The following ZDHHC11B variants were observed in gnomAD, a reference collection of about 807,000 sequenced individuals.
ZDHHC11B encodes the protein zDHHC palmitoyltransferase 11B (putative), also known as probable palmitoyltransferase ZDHHC11B.
A neutral mutation model predicts 42.3 loss-of-function variants in ZDHHC11B; 17 were observed. The observed-to-expected ratio is 0.40, with a 90% CI of 0.27 to 0.60. The LOEUF is 0.60. Among genes scored for constraint, ZDHHC11B ranks in the 20% least tolerant of loss-of-function variants. ZDHHC11B has a pLI of 0.41. For synonymous variants in ZDHHC11B, 123 were observed against 193.5 expected, an observed-to-expected ratio of 0.64 and a Z score of 3.02; for missense variants, 262 against 463.2, an observed-to-expected ratio of 0.57 and a Z score of 3.99.
At chr5:754,335 G>A (rs5028821) in intron 6 of ZDHHC11B, among the ~76,000 whole-genome samples, 1 of 25,906 alleles carries the variant, frequency 3.9e-5, no homozygotes, top group Non-Finnish European at 6.5e-5. Flanking sequence ...TCAGGGGAAA[G>A]ACCTCTCATC....
rs1745116641 is a variant in ZDHHC11B at position 748,408 on chromosome 5, G to C, written c.780C>G (p.Tyr260Ter). The C allele has an allele frequency of 7.4e-7, 1 of 1,355,276 alleles. No homozygotes were observed. The highest frequency in any genetic ancestry group is 9.8e-7 in the Non-Finnish European group (1 of 1,022,060). 84.0% of individuals were successfully genotyped at this position (1,355,276 alleles called of 1,614,324 possible). ...QLGQLLIFHI[Y>*]LKAKKMTTFE... ...GGCTTAGGGTGGGGGACATACTCAG[G>C]TAGATGTGGAAGATGAGCAGCTGGC... Residue 260 changes from tyrosine (Y) to a stop codon, truncating the protein, a stop_gained, in exon 8 of 14, where the codon TAC (tyrosine) becomes TAG (stop). Coordinates refer to ENST00000508859, the MANE Select transcript of ZDHHC11B (RefSeq NM_001351303.2). LOFTEE classifies it high-confidence loss of function.
chr5:766,511 C>G (rs1450467634), intron 4 of ZDHHC11B, among the ~76,000 whole-genome samples, 187 bp downstream of exon 4: 1 of 151,822 alleles, frequency 6.6e-6, no homozygotes, highest in East Asian at 1.9e-4. Context: ...CTGTCCTGAC[C>G]CTGAGCAGGG....
chr5:728,102 C>G (rs548744034), intron 12 of ZDHHC11B, among the ~76,000 whole-genome samples: 1 of 151,614 alleles, frequency 6.6e-6, no homozygotes, highest in South Asian at 2.1e-4. Flanking sequence ...AGTGTGCAAA[C>G]ATTTGAAAAG....
At chr5:722,397 A>T (rs1167529824) in intron 12 of ZDHHC11B, among the ~76,000 whole-genome samples, 2 of 151,594 alleles carry the variant, frequency 1.3e-5, no homozygotes, top group Admixed American at 1.3e-4. Flanking sequence ...GACTAGGGAC[A>T]TGAGCAAGTG....
intron 1 of ZDHHC11B, among the ~76,000 whole-genome samples, chr5:780,768 C>A (rs1212323339): frequency 6.6e-6 from 1 of 151,650 alleles, no homozygotes; most frequent in Admixed American, 6.6e-5. Context: ...ATGAGCTTCA[C>A]CCCAGTGGCT....
intron 1 of ZDHHC11B, among the ~76,000 whole-genome samples, chr5:774,375 G>A (rs1736292149): frequency 3.9e-5 from 6 of 152,214 alleles, no homozygotes. Flanking sequence ...GCGGGGCCAG[G>A]CACTAGGACT....
chr5:730,717 G>A (rs1336208373), intron 11 of ZDHHC11B, among the ~76,000 whole-genome samples: 1 of 151,686 alleles, frequency 6.6e-6, no homozygotes, highest in Non-Finnish European at 1.5e-5. Flanking sequence ...ACCTCAGAAT[G>A]TGACTATATG....
chr5:766,383 C>T (rs527510089), intron 4 of ZDHHC11B, among the ~76,000 whole-genome samples: 35 of 152,002 alleles, frequency 2.3e-4, no homozygotes, highest in African/African-American at 7.2e-4. Context: ...ATGGGGTCAG[C>T]GGCTGCCCTG....
intron 4 of ZDHHC11B, among the ~76,000 whole-genome samples, chr5:758,799 T>C (rs1339023307): frequency 6.6e-6 from 1 of 151,922 alleles, no homozygotes; most frequent in Non-Finnish European, 1.5e-5. Context: ...CTGCTGTCCA[T>C]TGGCCGCACT....
At position 769,740 on chromosome 5, in the gene ZDHHC11B, TG is replaced by T. The variant is rs760404897; in HGVS notation, c.-229-811del. ...TGCGCGCCATCCTTCAACACTGTCC[TG>T]GACATAATCATCTAACAGCTCTTCT... On this transcript the variant is annotated intron_variant, in intron 1 of 13. Coordinates refer to ENST00000508859, the MANE Select transcript of ZDHHC11B (RefSeq NM_001351303.2). Among the ~76,000 whole-genome samples, 145 of 152,110 alleles carry T rather than the reference TG, an allele frequency of 9.5e-4. 4 individuals are homozygous for T. The highest frequency in any genetic ancestry group is 1.8e-3 in the Non-Finnish European group (123 of 67,930).
chr5:759,565 A>T (rs1293556497), intron 4 of ZDHHC11B, among the ~76,000 whole-genome samples: 2 of 151,918 alleles, frequency 1.3e-5, no homozygotes, highest in African/African-American at 4.8e-5. Flanking sequence ...CATTCCACAC[A>T]ACAGGCCCTA....
At position 780,969 on chromosome 5, in the gene ZDHHC11B, G is replaced by T. The variant is rs1251569475; in HGVS notation, c.-230+3699C>A. On this transcript the variant is annotated intron_variant, in intron 1 of 13. Coordinates refer to ENST00000508859, the MANE Select transcript of ZDHHC11B (RefSeq NM_001351303.2). ...ATGCCATGGGTGGGAGATGCAGGTGGCTGTGCAGCGGTGCCCTGGGCTCAG... is the reference window on the plus strand; with the variant it reads ...ATGCCATGGGTGGGAGATGCAGGTGTCTGTGCAGCGGTGCCCTGGGCTCAG... Among the ~76,000 whole-genome samples, 5 of 148,420 alleles carry T rather than the reference G, an allele frequency of 3.4e-5. No individual in the cohort carries two copies. The Admixed American group carries it at 3.4e-4, about 10-fold the overall frequency.
At chr5:735,926 C>T (rs1379640976) in intron 10 of ZDHHC11B, among the ~76,000 whole-genome samples, 85 of 148,192 alleles carry the variant, frequency 5.7e-4, no homozygotes, top group African/African-American at 2.0e-3. Flanking sequence ...CCAAGGTATT[C>T]AGGCAACAAC....
Position 743,652 on chromosome 5 carries a change from T to C in ZDHHC11B, c.900+1531A>G, listed in dbSNP as rs1477684637. Among the ~76,000 whole-genome samples the C allele has an allele frequency of 6.7e-5, 10 of 150,056 alleles. 2 individuals carry two copies. Among genetic ancestry groups the C allele is most frequent in the African/African-American group, 2.4e-4 (10 of 40,918 alleles). The stretch of plus-strand genomic sequence containing the variant: ...GTTTGTTAAATTTATTCTTTTTTCA[T>C]TAGATTATGAAAGGAAGTTTTAAAA... On this transcript the variant is annotated intron_variant, in intron 9 of 13. Coordinates refer to ENST00000508859, the MANE Select transcript of ZDHHC11B (RefSeq NM_001351303.2).
At chr5:733,177 G>A (rs1214235247) in intron 11 of ZDHHC11B, among the ~76,000 whole-genome samples, 5 of 149,786 alleles carry the variant, frequency 3.3e-5, no homozygotes, top group African/African-American at 1.2e-4. Context: ...TGGACACAGA[G>A]TCCATGTAAC....
chr5:763,579 A>T (rs1489673928), intron 4 of ZDHHC11B, among the ~76,000 whole-genome samples: 8 of 151,866 alleles, frequency 5.3e-5, no homozygotes, highest in Admixed American at 3.3e-4. Context: ...AGTTTCTCTG[A>T]CCAGTCAAAG....
rs1319380896 is a variant in ZDHHC11B, at chr5:730,147, C to T, written c.1058+287G>A. 2.0e-5 allele frequency among the ~76,000 whole-genome samples: 3 copies of T among 151,850 alleles called. No individual in the cohort carries two copies. In the East Asian group the frequency reaches 5.8e-4, roughly 29 times the overall value. On this transcript the variant is annotated intron_variant, in intron 12 of 13. Coordinates refer to ENST00000508859, the MANE Select transcript of ZDHHC11B (RefSeq NM_001351303.2). Reference sequence around the variant, plus strand: ...ACTATTAGAAACATTAAAAAACATTCAGGCTCACAACATTACATGTGTTTA... The same window carrying T: ...ACTATTAGAAACATTAAAAAACATTTAGGCTCACAACATTACATGTGTTTA...
At chr5:769,580 G>A (rs1298184663) in intron 1 of ZDHHC11B, among the ~76,000 whole-genome samples, 5 of 151,982 alleles carry the variant, frequency 3.3e-5, no homozygotes, top group East Asian at 1.9e-4. Context: ...GAGGCAACCC[G>A]TGCCAGGCTG....
At position 742,718 on chromosome 5, in the gene ZDHHC11B, A is replaced by G. The variant is rs1408877496; in HGVS notation, c.901-1090T>C. On this transcript the variant is annotated intron_variant, in intron 9 of 13. Coordinates refer to ENST00000508859, the MANE Select transcript of ZDHHC11B (RefSeq NM_001351303.2). ...ACCAGAAATTCATGTGACTTGCTTT[A>G]CTGACATGTTCACTTTATTGTGGCT... Among the ~76,000 whole-genome samples the G allele has an allele frequency of 1.3e-5, 2 of 149,958 alleles. 1 individual carries two copies. Among genetic ancestry groups the G allele is most frequent in the African/African-American group, 4.9e-5 (2 of 40,866 alleles).
Sources: gnomAD v4.1 joint callset for allele counts (sites outside exome capture counted in the v4.1 genomes callset) on GRCh38, gnomAD v4.1.1 for gene constraint, MANE v1.5 for transcripts, NCBI Gene and HGNC (gene_info 2026-07-23, HGNC 2026-07-21) for gene names.